Variants in CALN1 observed in about 807,000 individuals in gnomAD.
The protein encoded by CALN1 is calneuron 1, also known as calcium-binding protein 8.
CALN1 carries 17 observed loss-of-function variants against 30.6 expected under a neutral mutation model. The ratio of observed to expected loss-of-function variants is 0.56; its 90% CI spans 0.38 to 0.83. The LOEUF is 0.83. Among genes scored for constraint, CALN1 ranks in the 40% least tolerant of loss-of-function variants. The probability of loss-of-function intolerance (pLI) is 0.00; values close to 1 mark genes in which losing one functional copy is unlikely to be tolerated. For missense variants in CALN1, 291 were observed against 354.9 expected (o/e 0.82, Z 1.45); for synonymous variants, 156 against 131.4 (o/e 1.19, Z -1.28).
chr7:72,302,137 G>C (rs963798956), intron 2 of CALN1, among the ~76,000 whole-genome samples: 10 of 152,078 alleles, frequency 6.6e-5, no homozygotes, highest in African/African-American at 2.4e-4. Flanking sequence ...AATTACTGCA[G>C]ATGCGTTTCA....
At chr7:72,174,506 C>T (rs1789194292) in intron 3 of CALN1, among the ~76,000 whole-genome samples, 1 of 152,008 alleles carries the variant, frequency 6.6e-6, no homozygotes, top group African/African-American at 2.4e-5. Flanking sequence ...ACAAAAAACA[C>T]AAACGTCCAT....
rs1408327010 is a variant in CALN1 at position 71,782,117 on chromosome 7, A to G, written c.*5658T>C. Reference sequence around the variant, plus strand: ...TTGGTGTAATTGATCTCATTGCTCCAAACCAATCATAGAGGCTGGATATTT... The same window carrying G: ...TTGGTGTAATTGATCTCATTGCTCCGAACCAATCATAGAGGCTGGATATTT... On this transcript the variant is annotated 3_prime_UTR_variant, in exon 7 of 7. Transcript: ENST00000395275. 2 of 152,204 alleles carry G rather than the reference A, an allele frequency of 1.3e-5. No homozygotes were observed. The highest frequency in any genetic ancestry group is 2.9e-5 in the Non-Finnish European group (2 of 68,042). 9.4% of individuals were successfully genotyped at this position (152,204 alleles called of 1,614,324 possible). A position where few individuals can be genotyped will look rare whatever the true frequency, so the allele number is the denominator to read the frequency against.
chr7:72,495,762 A>G, the CALN1 span, among the ~76,000 whole-genome samples: 1 of 152,224 alleles, frequency 6.6e-6, no homozygotes, highest in Admixed American at 6.5e-5. Context: ...AAAAGATGTG[A>G]AGCTGATGGA....
At chr7:72,064,667 T>A (rs1429782811) in intron 4 of CALN1, among the ~76,000 whole-genome samples, 5 of 152,226 alleles carry the variant, frequency 3.3e-5, no homozygotes, top group Non-Finnish European at 5.9e-5. Flanking sequence ...ATCTCTTTCA[T>A]GATCCATGAT....
chr7:72,059,032 ATTTATATT>A (rs1243143525), intron 4 of CALN1, among the ~76,000 whole-genome samples: 3 of 152,198 alleles, frequency 2.0e-5, no homozygotes, highest in Non-Finnish European at 4.4e-5. Flanking sequence ...ATCCAATTTC[ATTTATATT>A]TTTAAACTAA....
chr7:72,082,188 G>C (rs768456560), intron 4 of CALN1, among the ~76,000 whole-genome samples: 1 of 152,130 alleles, frequency 6.6e-6, no homozygotes, highest in Admixed American at 6.5e-5. Context: ...GTTTCACCAC[G>C]TTGGTCAGGC....
chr7:71,978,706 G>A (rs554064562), intron 5 of CALN1, among the ~76,000 whole-genome samples: 3 of 152,266 alleles, frequency 2.0e-5, no homozygotes, highest in Non-Finnish European at 2.9e-5. Context: ...TATAGAGAGA[G>A]ACCAAACTTC....
chr7:72,338,525 G>GTGTGTGTGTGTGTCTCTGTC, intron 2 of CALN1, among the ~76,000 whole-genome samples: 2 of 122,292 alleles, frequency 1.6e-5, no homozygotes, highest in Non-Finnish European at 3.5e-5. Context: ...GTGTGTGTGT[G>GTGTGTGTGTGTGTCTCTGTC]TGTCTCACCT....
intron 5 of CALN1, among the ~76,000 whole-genome samples, chr7:72,007,057 T>C (rs1344412493): frequency 6.6e-6 from 1 of 152,212 alleles, no homozygotes; most frequent in African/African-American, 2.4e-5. Context: ...CAGTTCTTCC[T>C]CACGTGTCAA....
At chr7:71,878,685 C>T (rs1422112742) in intron 5 of CALN1, among the ~76,000 whole-genome samples, 1 of 152,138 alleles carries the variant, frequency 6.6e-6, no homozygotes, top group African/African-American at 2.4e-5. Context: ...CTTGAAAACA[C>T]AAAAATGCCC....
At chr7:72,349,670 T>C (rs1802824799) in intron 2 of CALN1, among the ~76,000 whole-genome samples, 1 of 152,230 alleles carries the variant, frequency 6.6e-6, no homozygotes, top group African/African-American at 2.4e-5. Context: ...CGGTTTTGAC[T>C]TGCATGTCTC....
intron 2 of CALN1, among the ~76,000 whole-genome samples, chr7:72,306,369 T>C (rs1224153953): frequency 1.3e-5 from 2 of 152,178 alleles, no homozygotes; most frequent in African/African-American, 4.8e-5. Flanking sequence ...TTGTCATCTA[T>C]CTATCTGTCT....
chr7:71,813,493 G>A (rs1274382057), intron 5 of CALN1, among the ~76,000 whole-genome samples: 1 of 152,126 alleles, frequency 6.6e-6, no homozygotes, highest in Non-Finnish European at 1.5e-5. Flanking sequence ...TTAGAGAGAG[G>A]TATGTCTCAA....
intron 2 of CALN1, among the ~76,000 whole-genome samples, chr7:72,306,303 C>A (rs6970677): frequency 1.3e-5 from 2 of 151,974 alleles, no homozygotes; most frequent in African/African-American, 2.4e-5. Flanking sequence ...CCCTCCCAAT[C>A]CTGAAGAGAT....
chr7:72,186,855 T>C (rs1585118668), intron 3 of CALN1, among the ~76,000 whole-genome samples: 1 of 149,958 alleles, frequency 6.7e-6, no homozygotes, highest in East Asian at 1.9e-4. Context: ...CTATTGTGAA[T>C]AGTGCTGCAA....
chr7:72,431,438 G>A (rs541809515), intron 1 of CALN1, among the ~76,000 whole-genome samples: 60 of 152,168 alleles, frequency 3.9e-4, no homozygotes, highest in South Asian at 1.5e-3. Context: ...ATGCACACAC[G>A]CATGCACAAC....
chr7:72,193,235 C>T (rs1184679647), intron 3 of CALN1, among the ~76,000 whole-genome samples: 4 of 151,736 alleles, frequency 2.6e-5, no homozygotes, highest in Non-Finnish European at 5.9e-5. Flanking sequence ...TGTGGTGGTG[C>T]ACAACTGTGG....
the CALN1 span, among the ~76,000 whole-genome samples, chr7:72,481,369 A>T: frequency 5.3e-5 from 8 of 152,234 alleles, no homozygotes; most frequent in African/African-American, 1.7e-4. Context: ...GATTATAAGC[A>T]TGAGCCACCA....
intron 3 of CALN1, among the ~76,000 whole-genome samples, chr7:72,259,146 G>A (rs1796114452): frequency 1.3e-5 from 2 of 151,620 alleles, no homozygotes; most frequent in African/African-American, 4.8e-5. Context: ...AAGAAACTTA[G>A]CTGGAGAAGC....
Sources: allele counts gnomAD v4.1 joint callset (sites outside exome capture counted in the v4.1 genomes callset), GRCh38; gene constraint gnomAD v4.1.1; transcripts MANE v1.5; gene names NCBI Gene and HGNC (gene_info 2026-07-23, HGNC 2026-07-21).